The following PXDNL variants were observed in gnomAD, a reference collection of about 807,000 sequenced individuals.
PXDNL encodes the protein peroxidasin like.
In PXDNL, 145 loss-of-function variants were observed where a neutral mutation model predicts 150.8. That is an observed-to-expected ratio of 0.96 (90% confidence interval 0.84 to 1.10). PXDNL has a LOEUF of 1.10. Among genes scored for constraint, PXDNL ranks in the 50% least tolerant of loss-of-function variants. The pLI is 0.00. For synonymous variants in PXDNL, 757 were observed against 725.7 expected (o/e 1.04, Z -0.69); for missense variants, 2,087 against 1,873.9 (o/e 1.11, Z -2.10).
chr8:51,393,008 C>G (rs1028379557), intron 17 of PXDNL, among the ~76,000 whole-genome samples: 1 of 152,164 alleles, frequency 6.6e-6, no homozygotes, highest in Non-Finnish European at 1.5e-5. Flanking sequence ...TACTGAGTTA[C>G]ATGTCACTGA....
At position 51,368,172 on chromosome 8, in the gene PXDNL, A is replaced by T. The variant is rs74425246; in HGVS notation, c.3901+3701T>A. The stretch of plus-strand genomic sequence containing the variant: ...ACAAAACAAAATGGTGGATAACAAA[A>T]TTCTTCATCAAACATAATAAATGAC... On this transcript the variant is annotated intron_variant, in intron 19 of 22. Coordinates refer to ENST00000356297, the MANE Select transcript of PXDNL (RefSeq NM_144651.5). 6.7e-3 allele frequency among the ~76,000 whole-genome samples: 1,022 copies of T among 152,214 alleles called. 12 individuals are homozygous for T. The highest frequency in any genetic ancestry group is 0.023 in the African/African-American group (976 of 41,536).
intron 5 of PXDNL, among the ~76,000 whole-genome samples, chr8:51,490,240 G>A (rs1414574230): frequency 6.6e-6 from 1 of 152,118 alleles, no homozygotes; most frequent in Non-Finnish European, 1.5e-5. Flanking sequence ...TATTTTTGAA[G>A]TGGCCAGATT....
chr8:51,419,062 C>T (rs1808878400), intron 14 of PXDNL, among the ~76,000 whole-genome samples: 1 of 152,014 alleles, frequency 6.6e-6, no homozygotes, highest in Non-Finnish European at 1.5e-5. Flanking sequence ...ACAAGGTCCT[C>T]GGGGAAAGAC....
intron 7 of PXDNL, 25 bp from the exon 8 acceptor site, chr8:51,472,329 A>T (rs1301951806): frequency 1.3e-6 from 2 of 1,559,666 alleles, no homozygotes; most frequent in Non-Finnish European, 8.8e-7. Context: ...TTATTGATGT[A>T]TTTTTCAGAG....
chr8:51,580,016 TTAAA>T (rs139022186), intron 3 of PXDNL, among the ~76,000 whole-genome samples: 8,078 of 150,450 alleles, frequency 0.054, 374 homozygotes, highest in East Asian at 0.24. Context: ...AATAATAAAA[TTAAA>T]TAAATAAATA....
chr8:51,486,711 A>C (rs1337451833), intron 5 of PXDNL, among the ~76,000 whole-genome samples: 3 of 132,350 alleles, frequency 2.3e-5, no homozygotes, highest in African/African-American at 8.4e-5. Flanking sequence ...TTTACTCCCA[A>C]CAAGAAGCTA....
At position 51,453,765 on chromosome 8, in the gene PXDNL, G is replaced by A; in HGVS notation, c.1003C>T (p.Gln335Ter). ...ATTAAAACCTCTGTGTCCTGAGGCT[G>A]GATTACAAAGCTTGGTTTGGCTGAT... ...SLPAKPSFVI[Q>*]PQDTEVLIGT... The change falls in exon 10 of 23, where the codon CAG (glutamine) becomes TAG (stop). Residue 335 changes from glutamine to a stop codon, truncating the protein, a stop_gained. Coordinates refer to ENST00000356297, the MANE Select transcript of PXDNL (RefSeq NM_144651.5). LOFTEE classifies it high-confidence loss of function. 1.2e-6 allele frequency: 2 copies of A among 1,613,874 alleles called. No individual in the cohort carries two copies. Among genetic ancestry groups the A allele is most frequent in the Non-Finnish European group, 1.7e-6 (2 of 1,179,844 alleles).
intron 1 of PXDNL, among the ~76,000 whole-genome samples, chr8:51,696,197 T>C (rs1384167027): frequency 6.6e-6 from 1 of 152,186 alleles, no homozygotes; most frequent in Non-Finnish European, 1.5e-5. Flanking sequence ...AATTCTTATG[T>C]TGAAGCCCTA....
At chr8:51,514,788 T>C (rs945351706) in intron 4 of PXDNL, among the ~76,000 whole-genome samples, 1 of 152,122 alleles carries the variant, frequency 6.6e-6, no homozygotes, top group African/African-American at 2.4e-5. Context: ...AATACAGCCC[T>C]GGAAATGGGA....
At chr8:51,642,175 G>C (rs940348856) in intron 2 of PXDNL, among the ~76,000 whole-genome samples, 2 of 150,186 alleles carry the variant, frequency 1.3e-5, no homozygotes, top group African/African-American at 4.9e-5. Flanking sequence ...ATGGACACAG[G>C]AAGGGGAACA....
At chr8:51,476,807 T>C (rs1002978647) in intron 6 of PXDNL, among the ~76,000 whole-genome samples, 10 of 152,210 alleles carry the variant, frequency 6.6e-5, no homozygotes, top group South Asian at 2.1e-4. Flanking sequence ...TATTTTATGA[T>C]AGGTGTTAGA....
At position 51,758,693 on chromosome 8, in the gene PXDNL, A is replaced by C. The variant is rs2130991571; in HGVS notation, c.164+50488T>G. Among the ~76,000 whole-genome samples the C allele has an allele frequency of 3.3e-5, 5 of 152,304 alleles. No individual in the cohort carries two copies. In the South Asian group the frequency reaches 1.0e-3, roughly 32 times the overall value. On this transcript the variant is annotated intron_variant, in intron 1 of 22. Coordinates refer to ENST00000356297, the MANE Select transcript of PXDNL (RefSeq NM_144651.5). ...TCTCCTTCCTGCCACCTTGTGAAGA[A>C]GGTGCCTTCCCTTCACCTTCTGCCA...
intron 17 of PXDNL, among the ~76,000 whole-genome samples, chr8:51,405,697 G>C (rs929269008): frequency 6.6e-6 from 1 of 152,210 alleles, no homozygotes; most frequent in Non-Finnish European, 1.5e-5. Flanking sequence ...AGTTGAATGA[G>C]TATATGTTTC....
chr8:51,368,811 C>T (rs548882161), intron 19 of PXDNL, among the ~76,000 whole-genome samples: 1 of 152,130 alleles, frequency 6.6e-6, no homozygotes, highest in African/African-American at 2.4e-5. Context: ...GCCTGGCCAA[C>T]ATGGTGAAAC....
chr8:51,512,672 A>G (rs1811446480), intron 4 of PXDNL, among the ~76,000 whole-genome samples: 1 of 152,210 alleles, frequency 6.6e-6, no homozygotes. Context: ...GTAAACAACT[A>G]ATGATGTTTT....
At chr8:51,584,168 A>G (rs1216353591) in intron 3 of PXDNL, among the ~76,000 whole-genome samples, 1 of 152,206 alleles carries the variant, frequency 6.6e-6, no homozygotes, top group East Asian at 1.9e-4. Flanking sequence ...GCAAATCTGT[A>G]CAAGATGACA....
chr8:51,475,238 TTGTC>T lies in PXDNL; in HGVS notation c.525-101_525-98del, dbSNP rs1345756841. 116 of 1,228,698 alleles carry T rather than the reference TTGTC, an allele frequency of 9.4e-5. 1 individual carries two copies. The African/African-American group carries it at 1.7e-3, about 18-fold the overall frequency. 76.1% of individuals were successfully genotyped at this position (1,228,698 alleles called of 1,614,324 possible). Reference sequence around the variant, plus strand: ...AATATTTAATTTCCCCTGATTTACCTTGTCTGTTACATTTTTGACTCCAGGATTC... The same window carrying T: ...AATATTTAATTTCCCCTGATTTACCTTGTTACATTTTTGACTCCAGGATTC... On this transcript the variant is annotated intron_variant, in intron 6 of 22. Transcript: ENST00000356297.
At chr8:51,692,017 T>C (rs529947314) in intron 1 of PXDNL, among the ~76,000 whole-genome samples, 13 of 152,328 alleles carry the variant, frequency 8.5e-5, no homozygotes, top group African/African-American at 3.1e-4. Context: ...GAGGCAAAAG[T>C]AGACTCGTGC....
At chr8:51,651,395 A>C (rs1277552535) in intron 2 of PXDNL, among the ~76,000 whole-genome samples, 1 of 152,190 alleles carries the variant, frequency 6.6e-6, no homozygotes, top group Non-Finnish European at 1.5e-5. Context: ...TAGCTTTGAA[A>C]TTTTCAAAAT....
Sources: allele counts gnomAD v4.1 joint callset (sites outside exome capture counted in the v4.1 genomes callset), GRCh38; gene constraint gnomAD v4.1.1; transcripts MANE v1.5; gene names NCBI Gene and HGNC (gene_info 2026-07-23, HGNC 2026-07-21).